The following PARD3B variants were observed in gnomAD, a reference collection of about 807,000 sequenced individuals.
PARD3B encodes par-3 family cell polarity regulator beta, also known as partitioning defective 3 homolog B.
Under a neutral mutation model 130.2 loss-of-function variants are expected in PARD3B, and 103 were observed. That is an observed-to-expected ratio of 0.79 (90% CI 0.67 to 0.93). The LOEUF (loss-of-function observed/expected upper bound fraction) is 0.93, where lower values mean the gene tolerates loss of function less well. Ranked by LOEUF, PARD3B falls within the 40% of genes least tolerant of loss-of-function variation. The pLI, the probability that PARD3B is intolerant of heterozygous loss-of-function variation, is 0.00. For missense variants in PARD3B, 1,609 were observed against 1,499.2 expected, an observed-to-expected ratio of 1.07 and a Z score of -1.21; for synonymous variants, 583 against 553.2, an observed-to-expected ratio of 1.05 and a Z score of -0.76.
chr2:204,778,706 TC>T (rs764956628), intron 2 of PARD3B, among the ~76,000 whole-genome samples: 9 of 152,058 alleles, frequency 5.9e-5, no homozygotes, highest in Admixed American at 5.2e-4. Context: ...ATATAGTGAA[TC>T]CTCCTTACTT....
At chr2:205,425,544 T>A (rs75235193) in intron 19 of PARD3B, among the ~76,000 whole-genome samples, 6,985 of 87,854 alleles carry the variant, frequency 0.08, 235 homozygotes, top group Middle Eastern at 0.15. Context: ...TGAAATAGAC[T>A]CGGTGTAAAA....
chr2:205,400,825 G>C (rs535535862), intron 18 of PARD3B, among the ~76,000 whole-genome samples, 188 bp from the exon 19 acceptor site: 2 of 152,134 alleles, frequency 1.3e-5, no homozygotes, highest in Admixed American at 6.5e-5. Flanking sequence ...GAGAGAAAAG[G>C]GGGAATTTCA....
intron 2 of PARD3B, among the ~76,000 whole-genome samples, chr2:204,960,937 G>A (rs1559302063): frequency 1.3e-5 from 2 of 152,212 alleles, no homozygotes; most frequent in Non-Finnish European, 2.9e-5. Context: ...CTGAAAGATC[G>A]AGGAAGAAGC....
At chr2:204,578,408 T>C (rs1416897560) in intron 1 of PARD3B, among the ~76,000 whole-genome samples, 2 of 152,182 alleles carry the variant, frequency 1.3e-5, no homozygotes, top group Non-Finnish European at 2.9e-5. Flanking sequence ...AGGTATTATA[T>C]GGAGTGTGTG....
intron 22 of PARD3B, among the ~76,000 whole-genome samples, chr2:205,598,669 T>G (rs1038360556): frequency 1.3e-5 from 2 of 152,184 alleles, no homozygotes; most frequent in East Asian, 3.8e-4. Context: ...ATATGCATTC[T>G]TCTCATCTGC....
At chr2:204,964,286 G>C (rs1362746905) in intron 2 of PARD3B, among the ~76,000 whole-genome samples, 1 of 152,166 alleles carries the variant, frequency 6.6e-6, no homozygotes, top group African/African-American at 2.4e-5. Context: ...GGTGCTGTCT[G>C]TTGGCCAAAA....
intron 19 of PARD3B, among the ~76,000 whole-genome samples, chr2:205,433,532 CAAAAAAA>C (rs34275307): frequency 2.7e-5 from 3 of 110,296 alleles, no homozygotes; most frequent in Admixed American, 1.8e-4. Context: ...GACTCTGTGT[CAAAAAAA>C]AAAAAAAAAA....
chr2:204,614,213 T>A (rs1256440319), intron 1 of PARD3B, among the ~76,000 whole-genome samples: 1 of 152,182 alleles, frequency 6.6e-6, no homozygotes, highest in Non-Finnish European at 1.5e-5. Flanking sequence ...TTTAAAAGTT[T>A]CTAGTAGCTA....
intron 4 of PARD3B, among the ~76,000 whole-genome samples, chr2:205,101,343 C>A (rs571261334): frequency 1.3e-5 from 2 of 151,654 alleles, no homozygotes; most frequent in Non-Finnish European, 2.9e-5. Context: ...GATTTTATAC[C>A]CATTAGGATG....
chr2:205,417,442 C>T (rs2046818710), intron 19 of PARD3B, among the ~76,000 whole-genome samples: 1 of 152,094 alleles, frequency 6.6e-6, no homozygotes, highest in Non-Finnish European at 1.5e-5. Context: ...TGGGTATATG[C>T]CCAGTAATGG....
chr2:205,197,890 A>G (rs529755929), intron 15 of PARD3B, among the ~76,000 whole-genome samples: 2 of 152,336 alleles, frequency 1.3e-5, no homozygotes, highest in Admixed American at 1.3e-4. Flanking sequence ...GAGCTGAATA[A>G]CACAGCTGCC....
intron 1 of PARD3B, among the ~76,000 whole-genome samples, chr2:204,596,898 A>G (rs1286553441): frequency 6.6e-6 from 1 of 151,704 alleles, no homozygotes; most frequent in Non-Finnish European, 1.5e-5. Flanking sequence ...AGCCTGGGCA[A>G]CAAGAGAGAA....
chr2:204,807,635 T>A (rs2042819812), intron 2 of PARD3B, among the ~76,000 whole-genome samples: 1 of 152,102 alleles, frequency 6.6e-6, no homozygotes, highest in Non-Finnish European at 1.5e-5. Context: ...GTAGTGCATA[T>A]ACACAGTGCA....
chr2:204,630,076 A>T (rs2125138075), intron 1 of PARD3B, among the ~76,000 whole-genome samples: 1 of 152,276 alleles, frequency 6.6e-6, no homozygotes, highest in South Asian at 2.1e-4. Context: ...TTGAAACAAG[A>T]TCTTAAATTC....
intron 1 of PARD3B, among the ~76,000 whole-genome samples, chr2:204,607,505 C>T (rs2033768838): frequency 1.3e-5 from 2 of 152,242 alleles, no homozygotes; most frequent in South Asian, 2.1e-4. Flanking sequence ...AAGTTGCCAA[C>T]ATTACATGGT....
At chr2:204,709,425 T>A (rs2038331842) in intron 2 of PARD3B, among the ~76,000 whole-genome samples, 1 of 152,328 alleles carries the variant, frequency 6.6e-6, no homozygotes, top group Non-Finnish European at 1.5e-5. Flanking sequence ...TTAAATTAAC[T>A]CATGTGGAAA....
intron 20 of PARD3B, among the ~76,000 whole-genome samples, chr2:205,442,434 C>G (rs2047750618): frequency 6.6e-6 from 1 of 151,378 alleles, no homozygotes; most frequent in Non-Finnish European, 1.5e-5. Context: ...GAGTGAGTAG[C>G]TGGGATTACA....
At chr2:204,647,830 T>G (rs1019079662) in intron 1 of PARD3B, among the ~76,000 whole-genome samples, 1 of 151,658 alleles carries the variant, frequency 6.6e-6, no homozygotes, top group African/African-American at 2.4e-5. Context: ...ACAAATAATG[T>G]AACAGAAAGG....
Position 205,615,500 on chromosome 2 carries a change from G to A in PARD3B, c.3305G>A (p.Arg1102Gln), listed in dbSNP as rs1156808441. 13 of 1,612,892 alleles carry A rather than the reference G, an allele frequency of 8.1e-6. No homozygotes were observed. Among genetic ancestry groups the A allele is most frequent in the South Asian group, 3.3e-5 (3 of 90,874 alleles). Residue 1102 changes from arginine (R) to glutamine (Q), a missense_variant, in exon 23 of 23, where the codon CGG (arginine) becomes CAG (glutamine). Transcript: ENST00000406610. Reference protein sequence around the residue: ...DPVDYLPAAPRGLYKERELPY... With the variant: ...DPVDYLPAAPQGLYKERELPY... ...GTAGACTATCTGCCAGCAGCACCTC[G>A]GGGGCTCTACAAGGAAAGGGAGCTT... is the stretch of plus-strand genomic sequence containing the variant.
Sources: allele counts gnomAD v4.1 joint callset (sites outside exome capture counted in the v4.1 genomes callset), GRCh38; gene constraint gnomAD v4.1.1; transcripts MANE v1.5; gene names NCBI Gene and HGNC (gene_info 2026-07-23, HGNC 2026-07-21).